TTC28: variants seen among roughly 807,000 people sequenced by gnomAD.
The protein encoded by TTC28 is tetratricopeptide repeat domain 28.
Under a neutral mutation model 198.0 loss-of-function variants are expected in TTC28, and 61 were observed. The observed-to-expected ratio is 0.31, with a 90% confidence interval of 0.25 to 0.38. TTC28 has a LOEUF of 0.38. Ranked by LOEUF, TTC28 falls within the 10% of genes least tolerant of loss-of-function variation. The probability of loss-of-function intolerance (pLI) is 1.00; values close to 1 mark genes in which losing one functional copy is unlikely to be tolerated. For synonymous variants in TTC28, 1,171 were observed against 1,297.8 expected (o/e 0.90, Z 2.10); for missense variants, 2,678 against 3,164.0 (o/e 0.85, Z 3.69).
intron 2 of TTC28, among the ~76,000 whole-genome samples, chr22:28,448,241 A>T (rs2047730646): frequency 6.6e-6 from 1 of 152,210 alleles, no homozygotes; most frequent in Non-Finnish European, 1.5e-5. Context: ...ACTGAAGAAC[A>T]GTCAATTAAA....
chr22:28,554,124 T>C (rs1228059402), intron 2 of TTC28, among the ~76,000 whole-genome samples: 2 of 152,174 alleles, frequency 1.3e-5, no homozygotes, highest in Non-Finnish European at 2.9e-5. Flanking sequence ...CAGGGTTAAA[T>C]GGATTAAGGG....
At chr22:28,306,308 C>A (rs1324390116) in intron 3 of TTC28, among the ~76,000 whole-genome samples, 188 bp downstream of exon 3, 4 of 152,156 alleles carry the variant, frequency 2.6e-5, no homozygotes. Flanking sequence ...AGTGGCCCTT[C>A]TACCATACTA....
intron 2 of TTC28, among the ~76,000 whole-genome samples, chr22:28,628,134 G>T (rs1438026362): frequency 1.3e-5 from 2 of 151,712 alleles, no homozygotes; most frequent in East Asian, 1.9e-4. Flanking sequence ...GGGCTCAAGG[G>T]ATCCTCCCAC....
rs185516344 is a variant in TTC28 at position 28,232,017 on chromosome 22, C to A, written c.933+64181G>T. 6.5e-4 allele frequency among the ~76,000 whole-genome samples: 99 copies of A among 152,188 alleles called. No homozygotes were observed. The South Asian group carries it at 0.013, about 20-fold the overall frequency. On this transcript the variant is annotated intron_variant, in intron 5 of 22. Transcript: ENST00000397906. ...TATGGATAATTTTTAGAAGGATTAC[C>A]CTACAACCATGGAAGTCAGGTATTA... is the stretch of plus-strand genomic sequence containing the variant.
intron 2 of TTC28, among the ~76,000 whole-genome samples, chr22:28,588,651 T>G (rs2050366069): frequency 6.6e-6 from 1 of 152,216 alleles, no homozygotes; most frequent in African/African-American, 2.4e-5. Context: ...TTTAAAAAGA[T>G]TTCAGGTTCA....
rs1383245029 is a variant in TTC28 at position 28,409,770 on chromosome 22, C to A, written c.382-103127G>T. The stretch of plus-strand genomic sequence containing the variant: ...CTCCCGGGCTCAAGCAATTCTCCTG[C>A]CCCAGCCTCCCGAGTAGCTGGGACT... On this transcript the variant is annotated intron_variant, in intron 2 of 22. Transcript: ENST00000397906. 3.3e-5 allele frequency among the ~76,000 whole-genome samples: 5 copies of A among 151,434 alleles called. No homozygotes were observed. In the East Asian group the frequency reaches 9.7e-4, roughly 29 times the overall value.
chr22:28,392,584 G>A (rs1034364335), intron 2 of TTC28, among the ~76,000 whole-genome samples: 29 of 152,158 alleles, frequency 1.9e-4, no homozygotes, highest in Admixed American at 1.0e-3. Flanking sequence ...CGCAGTATTC[G>A]GGTGGGAGTG....
chr22:28,394,070 G>A (rs2046776189), intron 2 of TTC28, among the ~76,000 whole-genome samples: 1 of 152,064 alleles, frequency 6.6e-6, no homozygotes, highest in Non-Finnish European at 1.5e-5. Flanking sequence ...ATTTATACAA[G>A]CCAGCATTTT....
intron 6 of TTC28, among the ~76,000 whole-genome samples, chr22:28,149,344 A>G (rs1156783548): frequency 2.0e-5 from 3 of 152,238 alleles, no homozygotes; most frequent in Non-Finnish European, 4.4e-5. Flanking sequence ...ACCAAGATAC[A>G]GAATCAACCT....
Position 28,670,098 on chromosome 22 carries a change from TGG to T in TTC28, c.102+9522_102+9523del, listed in dbSNP as rs34145718. Among the ~76,000 whole-genome samples, 30 of 136,548 alleles carry T rather than the reference TGG, an allele frequency of 2.2e-4. No individual in the cohort carries two copies. The East Asian group carries it at 4.2e-3, about 19-fold the overall frequency. The allele number at this position is 136,548 out of a possible 152,430, so 89.6% of individuals were successfully genotyped here. ...TACCCTGTATTACTGAAAATAAAAA[TGG>T]GGGGGGGGCAAATAAAGACTTTAAT... On this transcript the variant is annotated intron_variant, in intron 1 of 22. Transcript: ENST00000397906.
chr22:28,528,781 G>A (rs1236183195), intron 2 of TTC28, among the ~76,000 whole-genome samples: 1 of 146,880 alleles, frequency 6.8e-6, no homozygotes. Flanking sequence ...TGAAAACTGA[G>A]ACAGATGAAG....
At chr22:28,134,210 C>T (rs1353574135) in intron 6 of TTC28, among the ~76,000 whole-genome samples, 5 of 152,138 alleles carry the variant, frequency 3.3e-5, no homozygotes, top group African/African-American at 9.7e-5. Flanking sequence ...CCCATCTGTA[C>T]GTCACCATCA....
intron 1 of TTC28, among the ~76,000 whole-genome samples, chr22:28,669,564 C>G (rs977599493): frequency 5.3e-5 from 8 of 152,114 alleles, no homozygotes; most frequent in Non-Finnish European, 1.2e-4. Flanking sequence ...GAGAACTGGT[C>G]AAAGGGAAGA....
chr22:28,543,419 AGAG>A (rs1242571397), intron 2 of TTC28, among the ~76,000 whole-genome samples: 1 of 150,638 alleles, frequency 6.6e-6, no homozygotes, highest in Non-Finnish European at 1.5e-5. Flanking sequence ...AAGATGAAGA[AGAG>A]GGAGGAGGAG....
intron 5 of TTC28, among the ~76,000 whole-genome samples, chr22:28,179,492 G>A (rs1227551068): frequency 6.6e-6 from 1 of 152,118 alleles, no homozygotes; most frequent in Non-Finnish European, 1.5e-5. Flanking sequence ...CACAAATGCT[G>A]ACTTCTCTCT....
At chr22:28,301,048 T>G (rs2145793258) in intron 3 of TTC28, among the ~76,000 whole-genome samples, 1 of 152,316 alleles carries the variant, frequency 6.6e-6, no homozygotes, top group East Asian at 1.9e-4. Flanking sequence ...TCCATTTCAC[T>G]GTATATAAAT....
At chr22:28,093,944 G>T in intron 12 of TTC28, 136 bp downstream of exon 12, 1 of 866,614 alleles carries the variant, frequency 1.2e-6, no homozygotes, top group Non-Finnish European at 1.7e-6. Context: ...TGTTTCTGCT[G>T]CAGCAGCTGT....
At chr22:28,269,727 G>T in intron 5 of TTC28, among the ~76,000 whole-genome samples, 1 of 152,182 alleles carries the variant, frequency 6.6e-6, no homozygotes, top group East Asian at 1.9e-4. Context: ...TTATGAAACA[G>T]GAGAGGAGGG....
rs548380731 is a variant in TTC28 at position 28,330,385 on chromosome 22, C to T, written c.382-23742G>A. On this transcript the variant is annotated intron_variant, in intron 2 of 22. Coordinates refer to ENST00000397906, the MANE Select transcript of TTC28 (RefSeq NM_001145418.2). The stretch of plus-strand genomic sequence containing the variant: ...CACAGACAACTGGGGCCTCGATTGG[C>T]TGAACAGCTCCAGATTTATGGTCGT... 2.0e-5 allele frequency among the ~76,000 whole-genome samples: 3 copies of T among 152,230 alleles called. 1 individual carries two copies. Among genetic ancestry groups the T allele is most frequent in the Admixed American group, 6.5e-5 (1 of 15,300 alleles).
Sources: gnomAD v4.1 joint callset for allele counts (sites outside exome capture counted in the v4.1 genomes callset) on GRCh38, gnomAD v4.1.1 for gene constraint, MANE v1.5 for transcripts, NCBI Gene and HGNC (gene_info 2026-07-23, HGNC 2026-07-21) for gene names.